The following DPP10 variants were observed in gnomAD, a reference collection of about 807,000 sequenced individuals.
DPP10 encodes the protein dipeptidyl peptidase like 10.
DPP10 carries 33 observed loss-of-function variants against 120.9 expected under a neutral mutation model. The ratio of observed to expected loss-of-function variants is 0.27; its 90% CI spans 0.21 to 0.37. The LOEUF is 0.37. Ranked by LOEUF, DPP10 falls within the 10% of genes least tolerant of loss-of-function variation. DPP10 has a pLI of 1.00. For synonymous variants in DPP10, 337 were observed against 326.1 expected, an observed-to-expected ratio of 1.03 and a Z score of -0.36; for missense variants, 816 against 942.8, an observed-to-expected ratio of 0.87 and a Z score of 1.76.
chr2:114,825,232 A>C (rs1328094838), intron 1 of DPP10, among the ~76,000 whole-genome samples: 1 of 152,228 alleles, frequency 6.6e-6, no homozygotes, highest in Admixed American at 6.5e-5. Context: ...TATCCAAGAT[A>C]ATTAGTTTAA....
chr2:115,634,317 A>G (rs2086142914), intron 5 of DPP10, among the ~76,000 whole-genome samples: 1 of 152,020 alleles, frequency 6.6e-6, no homozygotes, highest in Non-Finnish European at 1.5e-5. Context: ...TTTTTCATTG[A>G]TTCTTTCTCA....
intron 1 of DPP10, among the ~76,000 whole-genome samples, chr2:114,706,515 C>T (rs1308915308): frequency 6.6e-6 from 1 of 152,126 alleles, no homozygotes. Flanking sequence ...GCAGACACAT[C>T]CCTGCAATTT....
At chr2:115,798,510 T>A (rs575277451) in intron 19 of DPP10, among the ~76,000 whole-genome samples, 1 of 152,186 alleles carries the variant, frequency 6.6e-6, no homozygotes, top group South Asian at 2.1e-4. Context: ...AAACAGTACA[T>A]TATGAATCAT....
intron 7 of DPP10, among the ~76,000 whole-genome samples, chr2:115,712,403 G>C (rs2092347572): frequency 6.6e-6 from 1 of 151,142 alleles, no homozygotes; most frequent in African/African-American, 2.4e-5. Context: ...ACCTCCTGCT[G>C]TGAAGCCCAG....
chr2:115,371,421 T>C (rs896637513), intron 3 of DPP10, among the ~76,000 whole-genome samples: 1 of 152,182 alleles, frequency 6.6e-6, no homozygotes, highest in African/African-American at 2.4e-5. Context: ...ATAAAATACG[T>C]GAACTTGAGC....
intron 1 of DPP10, among the ~76,000 whole-genome samples, chr2:115,259,432 C>A (rs954519803): frequency 1.3e-5 from 2 of 149,930 alleles, no homozygotes; most frequent in African/African-American, 4.9e-5. Flanking sequence ...TGCAGTGAGC[C>A]GAGATCGCAC....
intron 1 of DPP10, among the ~76,000 whole-genome samples, chr2:114,831,473 C>T (rs55821504): frequency 9.9e-5 from 15 of 152,118 alleles, no homozygotes; most frequent in African/African-American, 2.7e-4. Context: ...ATCCAATTTT[C>T]GGGAAGCAGG....
intron 1 of DPP10, among the ~76,000 whole-genome samples, chr2:114,916,076 T>C (rs962716248): frequency 6.6e-6 from 1 of 151,796 alleles, no homozygotes; most frequent in African/African-American, 2.4e-5. Flanking sequence ...AGAAAGACAA[T>C]TAGCTAGACT....
At chr2:114,702,088 T>C (rs1220669759) in intron 1 of DPP10, among the ~76,000 whole-genome samples, 3 of 152,130 alleles carry the variant, frequency 2.0e-5, no homozygotes, top group Non-Finnish European at 4.4e-5. Context: ...TGTAATGTGA[T>C]TGTCAATGTA....
intron 1 of DPP10, among the ~76,000 whole-genome samples, chr2:115,052,995 G>A (rs143451185): frequency 3.3e-5 from 5 of 151,106 alleles, no homozygotes; most frequent in Non-Finnish European, 7.4e-5. Flanking sequence ...TGGTGGGCAC[G>A]TGAGAGAACT....
intron 1 of DPP10, among the ~76,000 whole-genome samples, chr2:115,003,298 G>A (rs536754683): frequency 1.5e-4 from 23 of 152,028 alleles, no homozygotes; most frequent in South Asian, 1.2e-3. Context: ...TCTCACTTAT[G>A]GGAACTAATA....
chr2:115,743,514 T>A (rs1030121483), intron 9 of DPP10, among the ~76,000 whole-genome samples: 4 of 152,204 alleles, frequency 2.6e-5, no homozygotes, highest in African/African-American at 9.6e-5. Flanking sequence ...TCCCGCTTGC[T>A]TTAATCAGTG....
chr2:115,526,084 C>A, intron 5 of DPP10, 112 bp downstream of exon 5: 1 of 756,362 alleles, frequency 1.3e-6, no homozygotes, highest in Non-Finnish European at 2.1e-6. Flanking sequence ...TGTCTAGTAA[C>A]TACCGGAGGA....
intron 19 of DPP10, among the ~76,000 whole-genome samples, chr2:115,797,572 G>A (rs1330322393): frequency 1.3e-5 from 2 of 151,856 alleles, no homozygotes; most frequent in Non-Finnish European, 2.9e-5. Context: ...TAAATTTTAG[G>A]TTTATCATTT....
chr2:115,490,020 T>A (rs2076017172), intron 3 of DPP10, among the ~76,000 whole-genome samples: 1 of 152,136 alleles, frequency 6.6e-6, no homozygotes, highest in Non-Finnish European at 1.5e-5. Context: ...TTGCAACCAA[T>A]TACCAATCAG....
At chr2:115,116,831 TG>T (rs1481955361) in intron 1 of DPP10, among the ~76,000 whole-genome samples, 5 of 152,234 alleles carry the variant, frequency 3.3e-5, no homozygotes, top group Admixed American at 6.5e-5. Flanking sequence ...CTTTTCCTCT[TG>T]TATTTTCTCT....
At chr2:115,018,474 A>G (rs535554664) in intron 1 of DPP10, among the ~76,000 whole-genome samples, 1 of 152,362 alleles carries the variant, frequency 6.6e-6, no homozygotes, top group African/African-American at 2.4e-5. Context: ...CATCAATGAT[A>G]GAATGGATAA....
intron 1 of DPP10, among the ~76,000 whole-genome samples, chr2:114,956,360 T>TA (rs34234834): frequency 0.24 from 35,535 of 148,664 alleles, 4,242 homozygotes; most frequent in Middle Eastern, 0.38. Flanking sequence ...AGAATAAATT[T>TA]AAAAAAAAAA....
chr2:115,387,650 T>G (rs775502804), intron 3 of DPP10, among the ~76,000 whole-genome samples: 10 of 152,194 alleles, frequency 6.6e-5, no homozygotes, highest in Admixed American at 1.3e-4. Flanking sequence ...AATGTTATTG[T>G]TTATCTGAAA....
Sources: allele counts gnomAD v4.1 joint callset (sites outside exome capture counted in the v4.1 genomes callset), GRCh38; gene constraint gnomAD v4.1.1; transcripts MANE v1.5; gene names NCBI Gene and HGNC (gene_info 2026-07-23, HGNC 2026-07-21).